Variants in DGLUCY observed in about 807,000 individuals in gnomAD.
The protein encoded by DGLUCY is D-glutamate cyclase, mitochondrial.
A neutral mutation model predicts 58.5 loss-of-function variants in DGLUCY; 58 were observed. The ratio of observed to expected loss-of-function variants is 0.99; its 90% CI spans 0.80 to 1.23. The LOEUF (loss-of-function observed/expected upper bound fraction) is 1.23. DGLUCY is among the 50% of genes most tolerant of loss of function. The pLI, the probability that DGLUCY is intolerant of heterozygous loss-of-function variation, is 0.00. For missense variants in DGLUCY, 779 were observed against 784.7 expected (o/e 0.99, Z 0.09); for synonymous variants, 325 against 314.1 (o/e 1.03, Z -0.37).
intron 2 of DGLUCY, among the ~76,000 whole-genome samples, chr14:91,158,577 G>C (rs2047792025): frequency 6.6e-6 from 1 of 152,156 alleles, no homozygotes; most frequent in African/African-American, 2.4e-5. Flanking sequence ...GAATTCCACT[G>C]AGTTCTTCTC....
chr14:91,098,013 C>T (rs1352083545), intron 1 of DGLUCY, among the ~76,000 whole-genome samples: 4 of 151,806 alleles, frequency 2.6e-5, no homozygotes, highest in Non-Finnish European at 5.9e-5. Flanking sequence ...AAATATTCCC[C>T]ACTACAGCCA....
chr14:91,161,425 A>G (rs2047974326), intron 3 of DGLUCY, among the ~76,000 whole-genome samples: 1 of 152,184 alleles, frequency 6.6e-6, no homozygotes, highest in East Asian at 1.9e-4. Context: ...CAATTCTGCA[A>G]TCAAGGTTGG....
intron 1 of DGLUCY, chr14:91,114,697 T>C (rs2044803153): frequency 6.6e-6 from 1 of 152,208 alleles, no homozygotes; most frequent in Non-Finnish European, 1.5e-5. Flanking sequence ...GAGGTGGCAA[T>C]TGGGGAAGGG....
intron 10 of DGLUCY, among the ~76,000 whole-genome samples, chr14:91,198,092 T>C (rs778748978): frequency 6.6e-6 from 1 of 152,196 alleles, no homozygotes; most frequent in Non-Finnish European, 1.5e-5. Flanking sequence ...GCCCAGTCTA[T>C]AGTGCAGTGG....
At chr14:91,127,717 G>A (rs2045789890) in intron 1 of DGLUCY, among the ~76,000 whole-genome samples, 1 of 152,228 alleles carries the variant, frequency 6.6e-6, no homozygotes, top group Admixed American at 6.5e-5. Context: ...GCCTGGGGCA[G>A]GGAATCTGAC....
At chr14:91,201,508 A>C (rs2050559589) in intron 11 of DGLUCY, among the ~76,000 whole-genome samples, 1 of 152,082 alleles carries the variant, frequency 6.6e-6, no homozygotes, top group African/African-American at 2.4e-5. Context: ...TATGTTGGCC[A>C]GGATGGTCTC....
rs1198995209 is a variant in DGLUCY, at chr14:91,181,422, C to G, written c.934+33C>G. On this transcript the variant is annotated intron_variant, in intron 8 of 13. Coordinates refer to ENST00000256324, the MANE Select transcript of DGLUCY (RefSeq NM_001102368.3). ...ACAACACATTTGCTCGGCATAGACC[C>G]AGGTAAGAAACAACACATTTGCACC... 5 of 1,589,378 alleles carry G rather than the reference C, an allele frequency of 3.1e-6. No individual in the cohort carries two copies. The South Asian group carries it at 5.5e-5, about 18-fold the overall frequency.
intron 1 of DGLUCY, among the ~76,000 whole-genome samples, chr14:91,139,548 G>C (rs964655014): frequency 3.9e-5 from 6 of 152,144 alleles, no homozygotes; most frequent in Non-Finnish European, 8.8e-5. Context: ...AGCTGGATGT[G>C]GTGGCTTGTG....
intron 1 of DGLUCY, among the ~76,000 whole-genome samples, chr14:91,152,628 A>G (rs2047392856): frequency 6.6e-6 from 1 of 152,150 alleles, no homozygotes; most frequent in Admixed American, 6.5e-5. Flanking sequence ...TATTTAGGCT[A>G]CCACCAGCAA....
At chr14:91,073,447 A>G (rs989165941) in intron 1 of DGLUCY, among the ~76,000 whole-genome samples, 1 of 152,166 alleles carries the variant, frequency 6.6e-6, no homozygotes, top group East Asian at 1.9e-4. Flanking sequence ...TCTCAAAAAA[A>G]TTTTTTAAAA....
chr14:91,208,543 A>T (rs1414954295), intron 12 of DGLUCY, among the ~76,000 whole-genome samples: 1 of 151,676 alleles, frequency 6.6e-6, no homozygotes, highest in East Asian at 1.9e-4. Context: ...GAGCCTAGGA[A>T]TTTGATACCA....
chr14:91,080,833 T>G (rs1329140778), intron 1 of DGLUCY, among the ~76,000 whole-genome samples: 1 of 152,196 alleles, frequency 6.6e-6, no homozygotes, highest in Non-Finnish European at 1.5e-5. Context: ...GCCTTTTGTG[T>G]GCATTGTGCA....
chr14:91,132,491 T>C (rs2046078180), intron 1 of DGLUCY, among the ~76,000 whole-genome samples: 3 of 151,770 alleles, frequency 2.0e-5, no homozygotes, highest in South Asian at 2.1e-4. Flanking sequence ...TTTTTTTTTT[T>C]TTCTTGAGAC....
At chr14:91,172,957 A>T (rs1475491967) in intron 5 of DGLUCY, among the ~76,000 whole-genome samples, 1 of 152,132 alleles carries the variant, frequency 6.6e-6, no homozygotes, top group Non-Finnish European at 1.5e-5. Context: ...TTTTTCTATT[A>T]TTTGATAACT....
intron 5 of DGLUCY, among the ~76,000 whole-genome samples, chr14:91,170,725 C>T (rs1376386742): frequency 1.3e-5 from 2 of 152,180 alleles, no homozygotes; most frequent in Admixed American, 6.5e-5. Context: ...GTGCCTCTCC[C>T]AGCCCCTACT....
intron 1 of DGLUCY, among the ~76,000 whole-genome samples, chr14:91,090,879 C>G (rs1183494327): frequency 6.6e-6 from 1 of 152,206 alleles, no homozygotes; most frequent in African/African-American, 2.4e-5. Context: ...AGCTCAGAGG[C>G]TGCATCCTGC....
intron 8 of DGLUCY, among the ~76,000 whole-genome samples, chr14:91,186,190 C>G (rs1254684490): frequency 6.6e-6 from 1 of 152,118 alleles, no homozygotes; most frequent in Non-Finnish European, 1.5e-5. Flanking sequence ...GCTCACCATG[C>G]CCTAGGAAGT....
chr14:91,144,102 A>G (rs1287073103), intron 1 of DGLUCY, among the ~76,000 whole-genome samples: 1 of 152,234 alleles, frequency 6.6e-6, no homozygotes, highest in African/African-American at 2.4e-5. Flanking sequence ...AAATGCAATG[A>G]GCCATTTTCT....
At chr14:91,083,490 C>T (rs981134113) in intron 1 of DGLUCY, among the ~76,000 whole-genome samples, 1 of 149,462 alleles carries the variant, frequency 6.7e-6, no homozygotes, top group Non-Finnish European at 1.5e-5. Flanking sequence ...CCACTCCACT[C>T]CAAGCCTGGG....
Sources: gnomAD v4.1 joint callset for allele counts (sites outside exome capture counted in the v4.1 genomes callset) on GRCh38, gnomAD v4.1.1 for gene constraint, MANE v1.5 for transcripts, NCBI Gene and HGNC (gene_info 2026-07-23, HGNC 2026-07-21) for gene names.